Variants in OPHN1 observed in about 807,000 individuals in gnomAD.
The protein encoded by OPHN1 is oligophrenin 1, also known as oligophrenin-1.
In OPHN1, 11 loss-of-function variants were observed where a neutral mutation model predicts 60.7. The observed-to-expected ratio is 0.18, with a 90% confidence interval of 0.11 to 0.30. The LOEUF (loss-of-function observed/expected upper bound fraction) is 0.30. Among genes scored for constraint, OPHN1 ranks in the 10% least tolerant of loss-of-function variants. The pLI, the probability that OPHN1 is intolerant of heterozygous loss-of-function variation, is 1.00. For missense variants in OPHN1, 449 were observed against 611.0 expected (o/e 0.73, Z 2.80); for synonymous variants, 226 against 222.6 (o/e 1.02, Z -0.14).
At chrX:68,334,954 C>T (rs934373975) in intron 2 of OPHN1, among the ~76,000 whole-genome samples, 8 of 108,792 alleles carry the variant, frequency 7.4e-5, no homozygotes, top group East Asian at 2.9e-4. Context: ...CCAGCTTGGG[C>T]GACAGAATAA....
intron 2 of OPHN1, among the ~76,000 whole-genome samples, chrX:68,327,964 G>T (rs1276161167): frequency 9.8e-6 from 1 of 101,869 alleles, no homozygotes; most frequent in Non-Finnish European, 2.0e-5. Context: ...CGAGTAGCTG[G>T]GACTACAGGC....
intron 2 of OPHN1, among the ~76,000 whole-genome samples, chrX:68,389,380 C>T (rs1045891559): frequency 6.5e-5 from 7 of 108,307 alleles, no homozygotes; most frequent in Non-Finnish European, 1.3e-4. Context: ...CCAGCCTGAC[C>T]AACATGGTGA....
At chrX:68,350,994 T>A (rs773226895) in intron 2 of OPHN1, among the ~76,000 whole-genome samples, 1 of 111,806 alleles carries the variant, frequency 8.9e-6, no homozygotes, top group African/African-American at 3.3e-5. Flanking sequence ...AATGGCATGA[T>A]CTCAGCTCAC....
intron 5 of OPHN1, among the ~76,000 whole-genome samples, chrX:68,271,385 A>G (rs908496675): frequency 3.7e-5 from 4 of 108,362 alleles, no homozygotes; most frequent in African/African-American, 1.3e-4. Context: ...AAAAAAAAAA[A>G]AATTAGCCAG....
At chrX:68,337,347 G>A (rs895078335) in intron 2 of OPHN1, among the ~76,000 whole-genome samples, 18 of 111,299 alleles carry the variant, frequency 1.6e-4, no homozygotes, top group African/African-American at 5.9e-4. Flanking sequence ...GATAAAATAT[G>A]TATAACAATA....
rs1322122859 is a variant in OPHN1 at position 68,263,081 on chromosome X, GTGCCACTTGAAGCATCAA to G, written c.384+11639_384+11656del. On this transcript the variant is annotated intron_variant, in intron 5 of 24. Transcript: ENST00000355520. ...CTATAGAAAACACATCCAAGGTAAAGTGCCACTTGAAGCATCAATGCCACTTGAAGAAGTTAATCCTGC... is the reference window on the plus strand; with the variant it reads ...CTATAGAAAACACATCCAAGGTAAAGTGCCACTTGAAGAAGTTAATCCTGC... 9.8e-5 allele frequency among the ~76,000 whole-genome samples: 11 copies of G among 112,013 alleles called. No homozygotes were observed. In the Admixed American group the frequency reaches 1.0e-3, roughly 11 times the overall value.
intron 15 of OPHN1, among the ~76,000 whole-genome samples, chrX:68,149,960 A>G (rs754329928): frequency 1.8e-5 from 2 of 111,931 alleles, no homozygotes; most frequent in African/African-American, 6.5e-5. Flanking sequence ...AGGGAATATT[A>G]TTAACTATGA....
intron 2 of OPHN1, among the ~76,000 whole-genome samples, chrX:68,403,957 A>C (rs141752559): frequency 8.6e-4 from 94 of 108,748 alleles, no homozygotes; most frequent in African/African-American, 3.0e-3. Flanking sequence ...ATAAGAGGAA[A>C]TGAGATGCTG....
chrX:68,211,292 A>G (rs2077583428), intron 8 of OPHN1, among the ~76,000 whole-genome samples: 1 of 112,426 alleles, frequency 8.9e-6, no homozygotes, highest in South Asian at 3.7e-4. Flanking sequence ...CACCCATTCT[A>G]AAGTCACCAA....
chrX:68,073,156 G>T lies in OPHN1; in HGVS notation c.1830C>A (p.Ser610Arg). 1 of 1,206,785 alleles carries T rather than the reference G, an allele frequency of 8.3e-7. No individual in the cohort carries two copies. The highest frequency in any genetic ancestry group is 1.1e-6 in the Non-Finnish European group (1 of 892,723). ...AAGGTGAACCTCAGTACTGACCTTC[G>T]CTTTCATCCAGGGAAGAAGTATAGA... ...TVFYTSSLDE[S>R]EDEIQHQTPN... is the part of the protein sequence containing the mutation. The change falls in exon 20 of 25, where the codon AGC (serine) becomes AGA (arginine). Residue 610 changes from serine (S) to arginine (R), a missense_variant. Around this residue, in one of 4 missense-constraint regions of OPHN1, gnomAD observed 184 missense variants for 160.5 expected, o/e 1.15. Transcript: ENST00000355520.
chrX:68,350,187 T>C (rs1421023745), intron 2 of OPHN1, among the ~76,000 whole-genome samples: 1 of 111,674 alleles, frequency 9.0e-6, no homozygotes, highest in African/African-American at 3.2e-5. Flanking sequence ...GATTTGATTA[T>C]ATGAAAGTAT....
At position 68,078,947 on chromosome X, in the gene OPHN1, C is replaced by T. The variant is rs767702946; in HGVS notation, c.1687-5648G>A. On this transcript the variant is annotated intron_variant, in intron 19 of 24. Coordinates refer to ENST00000355520, the MANE Select transcript of OPHN1 (RefSeq NM_002547.3). Reference sequence around the variant, plus strand: ...GTTGCAGTGAGCCCAGATTGCACCACTGCACTCCATCCTGGACAACAGAGC... The same window carrying T: ...GTTGCAGTGAGCCCAGATTGCACCATTGCACTCCATCCTGGACAACAGAGC... Among the ~76,000 whole-genome samples the T allele has an allele frequency of 5.5e-5, 6 of 109,221 alleles. No homozygotes were observed. In the East Asian group the frequency reaches 1.4e-3, roughly 26 times the overall value. The allele number at this position is 109,221 out of a possible 115,157, so 94.8% of individuals were successfully genotyped here.
chrX:68,256,186 C>T (rs188750187), intron 5 of OPHN1, among the ~76,000 whole-genome samples: 42 of 111,231 alleles, frequency 3.8e-4, no homozygotes, highest in South Asian at 3.5e-3. Context: ...CTGGTCTCAC[C>T]GCCCTAATCT....
At chrX:68,370,006 G>C (rs956557252) in intron 2 of OPHN1, among the ~76,000 whole-genome samples, 1 of 64,214 alleles carries the variant, frequency 1.6e-5, no homozygotes, top group Admixed American at 1.6e-4. Flanking sequence ...GGCATAAATT[G>C]CTGAAATATA....
At chrX:68,070,030 T>C (rs902663986) in intron 20 of OPHN1, among the ~76,000 whole-genome samples, 14 of 111,795 alleles carry the variant, frequency 1.3e-4, no homozygotes, top group Non-Finnish European at 2.4e-4. Context: ...GGGAGGTTAC[T>C]GAAAATTTGG....
chrX:68,117,147 C>T (rs1330604855), intron 16 of OPHN1, among the ~76,000 whole-genome samples: 1 of 110,974 alleles, frequency 9.0e-6, no homozygotes, highest in Non-Finnish European at 1.9e-5. Flanking sequence ...ATGGCCCTTA[C>T]ATACCTCTCC....
chrX:68,170,567 T>C (rs1423286881), intron 15 of OPHN1, among the ~76,000 whole-genome samples: 1 of 110,115 alleles, frequency 9.1e-6, no homozygotes, highest in African/African-American at 3.3e-5. Context: ...ATTAAGGAAA[T>C]GTGGCACATA....
chrX:68,236,764 G>A (rs1026778412), intron 5 of OPHN1, among the ~76,000 whole-genome samples: 3 of 112,090 alleles, frequency 2.7e-5, no homozygotes, highest in Non-Finnish European at 5.6e-5. Flanking sequence ...TTGGCTGTAT[G>A]GATGTACTAT....
chrX:68,186,450 T>C (rs1664904320), intron 15 of OPHN1, among the ~76,000 whole-genome samples: 1 of 105,905 alleles, frequency 9.4e-6, no homozygotes, highest in Non-Finnish European at 1.9e-5. Context: ...GGCTCTGGGA[T>C]ACAGCATGTT....
Sources: allele counts gnomAD v4.1 joint callset (sites outside exome capture counted in the v4.1 genomes callset), GRCh38; gene constraint gnomAD v4.1.1; regional missense constraint gnomAD v4.1.1; transcripts MANE v1.5; gene names NCBI Gene and HGNC (gene_info 2026-07-23, HGNC 2026-07-21).